DPP10: variants seen among roughly 807,000 people sequenced by gnomAD.
DPP10 encodes the protein inactive dipeptidyl peptidase 10.
A neutral mutation model predicts 120.9 loss-of-function variants in DPP10; 33 were observed. That is an observed-to-expected ratio of 0.27 (90% confidence interval 0.21 to 0.37). The LOEUF (loss-of-function observed/expected upper bound fraction) is 0.37, where lower values mean the gene tolerates loss of function less well. DPP10 is among the 10% of genes least tolerant of loss of function. The pLI, the probability that DPP10 is intolerant of heterozygous loss-of-function variation, is 1.00. For missense variants in DPP10, 816 were observed against 942.8 expected (o/e 0.87, Z 1.76); for synonymous variants, 337 against 326.1 (o/e 1.03, Z -0.36).
At chr2:115,820,756 A>G (rs1687726347) in intron 21 of DPP10, among the ~76,000 whole-genome samples, 1 of 149,558 alleles carries the variant, frequency 6.7e-6, no homozygotes, top group South Asian at 2.1e-4. Context: ...TGTGAATGCC[A>G]TTGTTTCATT....
intron 4 of DPP10, among the ~76,000 whole-genome samples, chr2:115,520,155 A>G (rs1285424224): frequency 2.0e-5 from 3 of 152,058 alleles, no homozygotes; most frequent in Non-Finnish European, 4.4e-5. Context: ...CGTCTCTACT[A>G]AAAATACAAA....
intron 1 of DPP10, among the ~76,000 whole-genome samples, chr2:114,707,600 T>C (rs1011275993): frequency 5.9e-5 from 9 of 152,192 alleles, no homozygotes; most frequent in Admixed American, 1.3e-4. Flanking sequence ...ATAGCTTTAC[T>C]TGAAAATCCC....
In DPP10 at chr2:114,996,914, G is replaced by A. The variant is rs140373103; in HGVS notation, c.61-312325G>A. On this transcript the variant is annotated intron_variant, in intron 1 of 25. Transcript: ENST00000410059. Reference sequence around the variant, plus strand: ...GGAGAATTGCTTGAACCCGGGAGGCGGAGGTTGCAATGAGCCGAGATCGTG... The same window carrying A: ...GGAGAATTGCTTGAACCCGGGAGGCAGAGGTTGCAATGAGCCGAGATCGTG... Among the ~76,000 whole-genome samples the A allele has an allele frequency of 9.0e-4, 135 of 150,668 alleles. No individual in the cohort carries two copies. In the East Asian group the frequency reaches 0.015, roughly 16 times the overall value.
At chr2:114,949,964 GAA>G (rs2104633070) in intron 1 of DPP10, among the ~76,000 whole-genome samples, 1 of 152,226 alleles carries the variant, frequency 6.6e-6, no homozygotes, top group South Asian at 2.1e-4. Context: ...ATCCAGAGTA[GAA>G]AGCCACCAAC....
intron 1 of DPP10, among the ~76,000 whole-genome samples, chr2:115,006,777 T>C (rs187486451): frequency 6.6e-6 from 1 of 151,924 alleles, no homozygotes; most frequent in Admixed American, 6.6e-5. Context: ...TTGGAGACTT[T>C]AACACCCCAC....
intron 1 of DPP10, among the ~76,000 whole-genome samples, chr2:114,602,858 G>C (rs1337121115): frequency 6.6e-6 from 1 of 152,078 alleles, no homozygotes; most frequent in Non-Finnish European, 1.5e-5. Flanking sequence ...GTTTGAAGCA[G>C]ACTTGTGTGG....
intron 1 of DPP10, among the ~76,000 whole-genome samples, chr2:114,765,993 G>A (rs894718362): frequency 2.0e-5 from 3 of 152,000 alleles, no homozygotes; most frequent in Non-Finnish European, 4.4e-5. Context: ...AGCAATAAAT[G>A]TAATATGTAA....
chr2:114,932,478 A>AT lies in DPP10; in HGVS notation c.61-376755dup, dbSNP rs780529760. On this transcript the variant is annotated intron_variant, in intron 1 of 25. Transcript: ENST00000410059. ...CATGGCACAACCCTAAAAAGAACAA[A>AT]TTTTTTATATGTGAAACAATCTGGG... Among the ~76,000 whole-genome samples the AT allele has an allele frequency of 2.0e-5, 3 of 152,202 alleles. No individual in the cohort carries two copies. In the East Asian group the frequency reaches 5.8e-4, roughly 29 times the overall value.
At chr2:115,541,520 A>G (rs2079170621) in intron 5 of DPP10, among the ~76,000 whole-genome samples, 1 of 151,674 alleles carries the variant, frequency 6.6e-6, no homozygotes, top group South Asian at 2.1e-4. Context: ...GAGATTTTTA[A>G]AATTTAACCT....
chr2:114,932,827 ATAAC>A (rs1428776691), intron 1 of DPP10, among the ~76,000 whole-genome samples: 1 of 152,242 alleles, frequency 6.6e-6, no homozygotes, highest in African/African-American at 2.4e-5. Context: ...AAAAGAAAAA[ATAAC>A]TAATGAAACA....
At chr2:115,820,866 T>A (rs564654726) in intron 21 of DPP10, among the ~76,000 whole-genome samples, 2 of 151,902 alleles carry the variant, frequency 1.3e-5, no homozygotes, top group African/African-American at 4.8e-5. Flanking sequence ...CACTTGTTGA[T>A]TGATGGGCAT....
intron 1 of DPP10, among the ~76,000 whole-genome samples, chr2:114,890,123 G>T (rs1262426135): frequency 6.6e-6 from 1 of 152,182 alleles, no homozygotes; most frequent in Non-Finnish European, 1.5e-5. Flanking sequence ...ATTTAGCACA[G>T]TATGTGCTAT....
intron 1 of DPP10, among the ~76,000 whole-genome samples, chr2:114,727,706 TTG>T (rs1676473947): frequency 6.6e-6 from 1 of 152,162 alleles, no homozygotes; most frequent in South Asian, 2.1e-4. Context: ...GTTCAAATTA[TTG>T]TGTGTTTTGT....
intron 4 of DPP10, among the ~76,000 whole-genome samples, chr2:115,523,848 T>C (rs1051833448): frequency 2.0e-5 from 3 of 152,184 alleles, no homozygotes; most frequent in African/African-American, 7.2e-5. Flanking sequence ...AGATGACTGA[T>C]CAGTGGTAGC....
intron 19 of DPP10, among the ~76,000 whole-genome samples, chr2:115,809,832 A>G (rs1686426161): frequency 6.6e-6 from 1 of 152,178 alleles, no homozygotes. Flanking sequence ...TCCATTTATT[A>G]TAACTAAAGC....
chr2:114,572,405 G>A lies in DPP10; in HGVS notation c.60+129567G>A, dbSNP rs539276071. Among the ~76,000 whole-genome samples, 7 of 152,264 alleles carry A rather than the reference G, an allele frequency of 4.6e-5. No homozygotes were observed. The South Asian group carries it at 6.2e-4, about 14-fold the overall frequency. ...AAAGAAAACACATTGTGAAGTAGACGAAAAGATCGTATCTATCATTCTATA... is the reference window on the plus strand; with the variant it reads ...AAAGAAAACACATTGTGAAGTAGACAAAAAGATCGTATCTATCATTCTATA... On this transcript the variant is annotated intron_variant, in intron 1 of 25. Coordinates refer to ENST00000410059, the MANE Select transcript of DPP10 (RefSeq NM_020868.6).
intron 3 of DPP10, among the ~76,000 whole-genome samples, chr2:115,477,028 A>C (rs902302190): frequency 6.6e-6 from 1 of 152,212 alleles, no homozygotes; most frequent in African/African-American, 2.4e-5. Context: ...ATATATTCTA[A>C]TCCACACATG....
chr2:115,379,175 C>T (rs1317539664), intron 3 of DPP10, among the ~76,000 whole-genome samples: 3 of 152,216 alleles, frequency 2.0e-5, no homozygotes, highest in Non-Finnish European at 4.4e-5. Flanking sequence ...GTGAATCCAT[C>T]TGGTCCTGGA....
intron 1 of DPP10, among the ~76,000 whole-genome samples, chr2:114,891,248 GGGAGATATTCCA>G (rs1692519881): frequency 6.6e-6 from 1 of 152,100 alleles, no homozygotes; most frequent in African/African-American, 2.4e-5. Context: ...AGCGTCAAGT[GGGAGATATTCCA>G]GGGACAAGTA....
Sources: gnomAD v4.1 joint callset for allele counts (sites outside exome capture counted in the v4.1 genomes callset) on GRCh38, gnomAD v4.1.1 for gene constraint, MANE v1.5 for transcripts, NCBI Gene and HGNC (gene_info 2026-07-23, HGNC 2026-07-21) for gene names.